Variants in LRRC9 observed in about 807,000 individuals in gnomAD.
LRRC9 encodes leucine-rich repeat-containing protein 9.
A neutral mutation model predicts 63.2 loss-of-function variants in LRRC9; 122 were observed. That is an observed-to-expected ratio of 1.93 (90% CI 1.67 to 2.24). The LOEUF (loss-of-function observed/expected upper bound fraction) is 2.24, where lower values mean the gene tolerates loss of function less well. LRRC9 is among the 30% of genes most tolerant of loss of function. The pLI is 0.00. For missense variants in LRRC9, 1,071 were observed against 627.7 expected (o/e 1.71, Z -7.55); for synonymous variants, 366 against 213.1 (o/e 1.72, Z -6.25).
rs1884642694 is a variant in LRRC9 at position 59,964,520 on chromosome 14, A to T, written c.1212-2069A>T. On this transcript the variant is annotated intron_variant, in intron 10 of 31. Coordinates refer to ENST00000445360, the Ensembl canonical transcript of LRRC9. The surrounding 1 kb of genome is among the most constrained non-coding windows in gnomAD (Gnocchi z 4.4). ...TCCTGCCTTCCTGGGGAACCAGCCT[A>T]GGAGCTAGGTATTGTTTATTCATTC... 6.6e-6 allele frequency among the ~76,000 whole-genome samples: 1 copy of T among 152,168 alleles called. No homozygotes were observed. The highest frequency in any genetic ancestry group is 1.5e-5 in the Non-Finnish European group (1 of 68,016).
intron 23 of LRRC9, 116 bp from the exon 24 acceptor site, chr14:60,016,544 A>C: frequency 1.8e-6 from 1 of 565,650 alleles, no homozygotes; most frequent in Non-Finnish European, 3.2e-6. Flanking sequence ...ATTTAGCTCT[A>C]CTTAGTAGGA....
At chr14:59,961,529 G>T (rs1220265146) in intron 10 of LRRC9, among the ~76,000 whole-genome samples, 1 of 152,138 alleles carries the variant, frequency 6.6e-6, no homozygotes, top group Non-Finnish European at 1.5e-5. Context: ...TAGGTCTGTG[G>T]TCAGAGTGGA....
exon 13 of LRRC9, chr14:59,974,705 C>A: frequency 1.5e-6 from 1 of 652,846 alleles, no homozygotes; most frequent in Non-Finnish European, 2.7e-6. Flanking sequence ...GCTCTTCAGA[C>A]ATGGTAAATA....
At chr14:59,935,069 T>C (rs1890024184) in intron 6 of LRRC9, among the ~76,000 whole-genome samples, 2 of 150,982 alleles carry the variant, frequency 1.3e-5, no homozygotes, top group South Asian at 4.2e-4. Flanking sequence ...GCGGATCACT[T>C]GAGATCAGGA....
At chr14:60,048,505 T>G (rs1893624328) in intron 29 of LRRC9, among the ~76,000 whole-genome samples, 1 of 152,064 alleles carries the variant, frequency 6.6e-6, no homozygotes, top group Admixed American at 6.6e-5. Context: ...GAGAATACTA[T>G]AAACACCTCT....
chr14:60,037,642 G>C (rs750858629), intron 29 of LRRC9, among the ~76,000 whole-genome samples: 1 of 152,114 alleles, frequency 6.6e-6, no homozygotes, highest in Non-Finnish European at 1.5e-5. Flanking sequence ...ATTTGTTTAG[G>C]TTCTTTGTAG....
chr14:59,997,169 A>G (rs36024705), intron 17 of LRRC9, among the ~76,000 whole-genome samples: 1 of 152,010 alleles, frequency 6.6e-6, no homozygotes, highest in African/African-American at 2.4e-5. Flanking sequence ...CAAATTTCCA[A>G]CAAGGAACAT....
intron 8 of LRRC9, among the ~76,000 whole-genome samples, chr14:59,957,821 G>C (rs1041523703): frequency 3.3e-5 from 5 of 151,972 alleles, no homozygotes; most frequent in Middle Eastern, 3.2e-3. Context: ...TTTGTGTGGG[G>C]GTCCTTTATG....
rs555413911 is a variant in LRRC9 at position 59,965,450 on chromosome 14, C to A, written c.1212-1139C>A. Among the ~76,000 whole-genome samples, 104 of 152,248 alleles carry A rather than the reference C, an allele frequency of 6.8e-4. 1 individual carries two copies. Among genetic ancestry groups the A allele is most frequent in the African/African-American group, 2.5e-3 (102 of 41,540 alleles). On this transcript the variant is annotated intron_variant, in intron 10 of 31. Coordinates refer to ENST00000445360, the Ensembl canonical transcript of LRRC9. ...GAGCAGACAATGCCTCTTTCACATC[C>A]GTATTCATTGTCAGGAAGTTATTTC... is the stretch of plus-strand genomic sequence containing the variant.
intron 1 of LRRC9, 78 bp downstream of exon 1, chr14:59,920,351 T>G (rs1250927256): frequency 1.3e-5 from 2 of 152,110 alleles, no homozygotes; most frequent in Non-Finnish European, 2.9e-5. Flanking sequence ...TTCCAAGCCA[T>G]ACCAAGGGGA....
At chr14:59,940,282 C>G (rs539938936) in intron 7 of LRRC9, among the ~76,000 whole-genome samples, 2 of 152,168 alleles carry the variant, frequency 1.3e-5, no homozygotes, top group South Asian at 4.1e-4. Flanking sequence ...ACTTTTGATT[C>G]AGACCAAAAT....
rs1454023585 is a variant in LRRC9, at chr14:60,058,152, A to G, written c.4276+130A>G. 2.2e-6 allele frequency: 1 copy of G among 458,906 alleles called. No homozygotes were observed. Among genetic ancestry groups the G allele is most frequent in the African/African-American group, 1.9e-5 (1 of 51,854 alleles). 28.4% of individuals were successfully genotyped at this position (458,906 alleles called of 1,614,324 possible). A position where few individuals can be genotyped will look rare whatever the true frequency, so the allele number is the denominator to read the frequency against. On this transcript the variant is annotated intron_variant, in intron 31 of 31. Transcript: ENST00000445360. This position sits in a 1 kb window ranked among gnomAD's most constrained non-coding sequence, Gnocchi z 4.4. ...ATTTCCTAAAATTGCATGTTTGCTC[A>G]AGTTTCCTATGGCCATTTTGATTTC...
chr14:60,062,032 G>C (rs1703262083), intron 31 of LRRC9: 1 of 398,378 alleles, frequency 2.5e-6, no homozygotes, highest in African/African-American at 2.1e-5. Flanking sequence ...AAGAATGCTG[G>C]GATTCTGACA....
chr14:60,006,603 A>G, exon 22 of LRRC9: 1 of 675,968 alleles, frequency 1.5e-6, no homozygotes, highest in South Asian at 1.6e-5. Flanking sequence ...CAATCAGGAG[A>G]TGCACAATTT....
At chr14:60,026,955 C>G (rs1377616772) in intron 27 of LRRC9, among the ~76,000 whole-genome samples, 1 of 152,004 alleles carries the variant, frequency 6.6e-6, no homozygotes, top group South Asian at 2.1e-4. Context: ...TTTTTAAAGA[C>G]ACTTTCTCCA....
chr14:59,969,825 A>G (rs1269222150), intron 12 of LRRC9, among the ~76,000 whole-genome samples: 13 of 152,148 alleles, frequency 8.5e-5, no homozygotes, highest in Admixed American at 8.5e-4. Flanking sequence ...AAACGCAAAG[A>G]GTATCACGTA....
At chr14:60,026,713 A>G (rs1337479568) in intron 27 of LRRC9, among the ~76,000 whole-genome samples, 1 of 152,068 alleles carries the variant, frequency 6.6e-6, no homozygotes, top group East Asian at 1.9e-4. Flanking sequence ...TTTCTTCTGC[A>G]TATGGATATC....
Position 59,951,832 on chromosome 14 carries a change from C to T in LRRC9, c.882+7088C>T, listed in dbSNP as rs566107050. On this transcript the variant is annotated intron_variant, in intron 8 of 31. Coordinates refer to ENST00000445360, the Ensembl canonical transcript of LRRC9. ...TGCTCGGGGGTCAGGGGTCAGGGAC[C>T]CACTTGAGGAGGCAGTCTGCCCGTT... Among the ~76,000 whole-genome samples, 1,200 of 152,258 alleles carry T rather than the reference C, an allele frequency of 7.9e-3. 6 individuals are homozygous for T. Among genetic ancestry groups the T allele is most frequent in the Non-Finnish European group, 0.013 (889 of 68,030 alleles).
rs1009781073 is a variant in LRRC9 at position 59,930,881 on chromosome 14, A to G, written c.268-37A>G. The G allele has an allele frequency of 8.1e-6, 3 of 368,214 alleles. No individual in the cohort carries two copies. Among genetic ancestry groups the G allele is most frequent in the Non-Finnish European group, 1.5e-5 (3 of 203,148 alleles). The allele number at this position is 368,214 out of a possible 1,614,324, so 22.8% of individuals were successfully genotyped here. ...TCATTGGAAGGATTAATAGCAAAAC[A>G]TAAACTAACATTATTCAGTCTCCTT... On this transcript the variant is annotated intron_variant, in intron 3 of 31. Transcript: ENST00000445360. The surrounding 1 kb of genome is among the most constrained non-coding windows in gnomAD (Gnocchi z 4.9).
Sources: gnomAD v4.1 joint callset for allele counts (sites outside exome capture counted in the v4.1 genomes callset) on GRCh38, gnomAD v4.1.1 for gene constraint, Gnocchi (gnomAD v3.1) non-coding constraint, MANE v1.5 for transcripts, NCBI Gene and HGNC (gene_info 2026-07-23, HGNC 2026-07-21) for gene names.